DNAH12: variants seen among roughly 807,000 people sequenced by gnomAD.
DNAH12 encodes the protein axonemal beta dynein heavy chain 12.
In DNAH12, 285 loss-of-function variants were observed where a neutral mutation model predicts 371.5. The ratio of observed to expected loss-of-function variants is 0.77; its 90% CI spans 0.70 to 0.85. DNAH12 has a LOEUF of 0.85. Among genes scored for constraint, DNAH12 ranks in the 40% least tolerant of loss-of-function variants. The pLI, the probability that DNAH12 is intolerant of heterozygous loss-of-function variation, is 0.00. For missense variants in DNAH12, 3,611 were observed against 3,689.4 expected, an observed-to-expected ratio of 0.98 and a Z score of 0.55; for synonymous variants, 1,200 against 1,213.0, an observed-to-expected ratio of 0.99 and a Z score of 0.22.
chr3:57,396,691 G>T (rs991742536), intron 43 of DNAH12, among the ~76,000 whole-genome samples: 21 of 152,016 alleles, frequency 1.4e-4, no homozygotes, highest in Admixed American at 5.9e-4. Flanking sequence ...CCTGCCTCAG[G>T]CTCCTGAGTA....
chr3:57,296,280 GA>G, intron 72 of DNAH12, 63 bp downstream of exon 72: 1 of 1,255,948 alleles, frequency 8.0e-7, no homozygotes, highest in Non-Finnish European at 1.1e-6. Context: ...TTAAGCAACA[GA>G]TTGCTTATCT....
At chr3:57,302,548 TATATATATATATATATGTA>T (rs2061373570) in intron 69 of DNAH12, among the ~76,000 whole-genome samples, 4 of 96,154 alleles carry the variant, frequency 4.2e-5, no homozygotes, top group Non-Finnish European at 6.1e-5. Flanking sequence ...TATATATATA[TATATATATATATATATGTA>T]TTTTTTTTTT....
At chr3:57,312,230 A>G (rs1347852450) in intron 66 of DNAH12, among the ~76,000 whole-genome samples, 2 of 152,194 alleles carry the variant, frequency 1.3e-5, no homozygotes, top group African/African-American at 4.8e-5. Context: ...GTCAAGAGAT[A>G]TGAAAGGGGA....
At chr3:57,341,760 A>G (rs1553656253) in intron 60 of DNAH12, among the ~76,000 whole-genome samples, 2 of 152,180 alleles carry the variant, frequency 1.3e-5, no homozygotes, top group Non-Finnish European at 2.9e-5. Flanking sequence ...TAGAAAAAAA[A>G]AAATCCTAAA....
At position 57,419,429 on chromosome 3, in the gene DNAH12, T is replaced by C; in HGVS notation, c.5652A>G (p.Ile1884Met). ...ATCTAATTGTGTCCATCGTAGGGAC[T>C]ATGATATCTTGAATCTTGATTTGTT... ...GDKQIKIQDIIVPTMDTIRYT... is the reference protein window; with the variant it reads ...GDKQIKIQDIMVPTMDTIRYT... The change falls in exon 37 of 74, where the codon ATA (isoleucine) becomes ATG (methionine). Residue 1884 changes from isoleucine (I) to methionine (M), a missense_variant. Ile to Met is a conservative substitution (Grantham distance 10). Around this residue, in one of 3 missense-constraint regions of DNAH12, gnomAD observed 2,266 missense variants for 2,236.9 expected, o/e 1.01. Coordinates refer to ENST00000495027, the MANE Select transcript of DNAH12 (RefSeq NM_001366028.2). 1 of 1,508,814 alleles carries C rather than the reference T, an allele frequency of 6.6e-7. No homozygotes were observed. Among genetic ancestry groups the C allele is most frequent in the Admixed American group, 2.3e-5 (1 of 42,558 alleles). The allele number at this position is 1,508,814 out of a possible 1,614,324, so 93.5% of individuals were successfully genotyped here.
chr3:57,530,643 C>T (rs2068808379), intron 2 of DNAH12: 1 of 504,474 alleles, frequency 2.0e-6, no homozygotes. Context: ...TCACCACTGT[C>T]AGTAGAGTGT....
chr3:57,350,527 T>C (rs782326515), intron 60 of DNAH12, among the ~76,000 whole-genome samples: 2 of 152,182 alleles, frequency 1.3e-5, no homozygotes, highest in Non-Finnish European at 2.9e-5. Context: ...CACACATCAG[T>C]TGCATGTGGC....
intron 11 of DNAH12, among the ~76,000 whole-genome samples, chr3:57,491,848 A>G (rs1284018752): frequency 1.3e-5 from 2 of 152,068 alleles, no homozygotes; most frequent in Non-Finnish European, 2.9e-5. Context: ...TCTACAAAAA[A>G]TACAAAAATT....
At chr3:57,428,284 C>A (rs1401748193) in intron 34 of DNAH12, 2 of 935,494 alleles carry the variant, frequency 2.1e-6, no homozygotes, top group Non-Finnish European at 1.4e-6. Flanking sequence ...GAAGCTAATA[C>A]AATATGTAAA....
intron 62 of DNAH12, among the ~76,000 whole-genome samples, chr3:57,328,695 TG>T (rs1245816242): frequency 7.3e-6 from 1 of 136,480 alleles, no homozygotes. Flanking sequence ...AACATAGTGT[TG>T]GAAGTTCTGG....
chr3:57,400,767 T>C (rs919759699), intron 43 of DNAH12, among the ~76,000 whole-genome samples: 53 of 152,176 alleles, frequency 3.5e-4, no homozygotes, highest in African/African-American at 1.2e-3. Context: ...ACTACCATAA[T>C]AGTAAGAGAC....
At chr3:57,356,077 C>T (rs2153324547) in intron 59 of DNAH12, among the ~76,000 whole-genome samples, 1 of 152,192 alleles carries the variant, frequency 6.6e-6, no homozygotes, top group African/African-American at 2.4e-5. Context: ...GGTGTAATCC[C>T]CAACTCCAGT....
rs1377779346 is a variant in DNAH12 at position 57,405,719 on chromosome 3, AAC to A, written c.6508_6509del (p.Val2170TyrfsTer6). Reference protein sequence around the residue: ...RRWLFQLTKTVIKDHFKESFH... With the variant: ...RRWLFQLTKTXIKDHFKESFH... ...ATGATTCTTTAAAATGGTCCTTTATAACAGTTTTAGTTAACTGGAACAGCCAT... is the reference window on the plus strand; with the variant it reads ...ATGATTCTTTAAAATGGTCCTTTATAAGTTTTAGTTAACTGGAACAGCCAT... On this transcript the variant is annotated frameshift_variant, in exon 41 of 74. Transcript: ENST00000495027. LOFTEE classifies it high-confidence loss of function. The A allele has an allele frequency of 6.4e-7, 1 of 1,551,604 alleles. No homozygotes were observed. The highest frequency in any genetic ancestry group is 1.4e-5 in the African/African-American group (1 of 73,046).
chr3:57,342,339 G>A (rs1197447293), intron 60 of DNAH12, among the ~76,000 whole-genome samples: 2 of 151,720 alleles, frequency 1.3e-5, no homozygotes, highest in African/African-American at 4.8e-5. Context: ...CTACAGAATG[G>A]GAGAAAGTAT....
chr3:57,402,503 T>C, intron 43 of DNAH12: 1 of 1,158,746 alleles, frequency 8.6e-7, no homozygotes, highest in South Asian at 1.3e-5. Flanking sequence ...CATGGTTAAA[T>C]CTGCTAGAAA....
intron 13 of DNAH12, among the ~76,000 whole-genome samples, chr3:57,477,995 T>G (rs375102376): frequency 7.9e-5 from 12 of 152,148 alleles, no homozygotes; most frequent in Admixed American, 3.3e-4. Flanking sequence ...AGAAAAACTG[T>G]AAACTCTAAA....
chr3:57,358,359 T>C (rs2062846440), intron 58 of DNAH12, among the ~76,000 whole-genome samples: 2 of 152,212 alleles, frequency 1.3e-5, no homozygotes, highest in Non-Finnish European at 2.9e-5. Context: ...GGTCTTCAGA[T>C]AGAGTAGAGG....
intron 11 of DNAH12, among the ~76,000 whole-genome samples, chr3:57,495,439 T>A (rs2067276511): frequency 6.6e-6 from 1 of 150,856 alleles, no homozygotes; most frequent in Non-Finnish European, 1.5e-5. Context: ...CGGGCACTTG[T>A]AATCCCAGCT....
At chr3:57,433,290 G>T (rs2065011250) in intron 32 of DNAH12, 77 bp downstream of exon 32, 2 of 1,381,674 alleles carry the variant, frequency 1.4e-6, no homozygotes, top group Non-Finnish European at 1.9e-6. Flanking sequence ...ATTTTAAATA[G>T]AGTCCTAGTT....
Sources: allele counts gnomAD v4.1 joint callset (sites outside exome capture counted in the v4.1 genomes callset), GRCh38; gene constraint gnomAD v4.1.1; regional missense constraint gnomAD v4.1.1; transcripts MANE v1.5; gene names NCBI Gene and HGNC (gene_info 2026-07-23, HGNC 2026-07-21).